The following DDHD1 variants were observed in gnomAD, a reference collection of about 807,000 sequenced individuals.
The protein encoded by DDHD1 is DDHD domain containing 1.
A neutral mutation model predicts 96.4 loss-of-function variants in DDHD1; 49 were observed. The observed-to-expected ratio is 0.51, with a 90% CI of 0.40 to 0.64. The LOEUF is 0.64. DDHD1 is among the 30% of genes least tolerant of loss of function. The probability of loss-of-function intolerance (pLI) is 0.00; values close to 1 mark genes in which losing one functional copy is unlikely to be tolerated. For missense variants in DDHD1, 1,106 were observed against 1,161.2 expected (o/e 0.95, Z 0.69); for synonymous variants, 442 against 446.5 (o/e 0.99, Z 0.13).
At chr14:53,104,810 A>T (rs1174956811) in intron 1 of DDHD1, among the ~76,000 whole-genome samples, 2 of 152,138 alleles carry the variant, frequency 1.3e-5, no homozygotes, top group Non-Finnish European at 1.5e-5. Context: ...GTAAAAAGCA[A>T]AATGAAACAA....
At chr14:53,078,972 T>A (rs984239597) in intron 4 of DDHD1, among the ~76,000 whole-genome samples, 1 of 152,180 alleles carries the variant, frequency 6.6e-6, no homozygotes, top group Non-Finnish European at 1.5e-5. Flanking sequence ...TGATGTGTTT[T>A]TTTTTCCTTC....
At chr14:53,122,025 C>T (rs200567438) in intron 1 of DDHD1, among the ~76,000 whole-genome samples, 1 of 151,934 alleles carries the variant, frequency 6.6e-6, no homozygotes, top group East Asian at 1.9e-4. Flanking sequence ...TGGAGCTGAA[C>T]TCTGTAAATA....
At chr14:53,146,756 T>C (rs1035661481) in intron 1 of DDHD1, among the ~76,000 whole-genome samples, 19 of 152,286 alleles carry the variant, frequency 1.2e-4, no homozygotes, top group African/African-American at 4.6e-4. Context: ...ATTCAACACT[T>C]GTTATGGGTA....
At chr14:53,139,075 G>GA (rs768005875) in intron 1 of DDHD1, among the ~76,000 whole-genome samples, 173 of 58,738 alleles carry the variant, frequency 2.9e-3, no homozygotes, top group Non-Finnish European at 6.5e-3. Context: ...TAATAGGAGA[G>GA]AAAAAAAAAA....
rs1349000309 is a variant in DDHD1 at position 53,046,323 on chromosome 14, T to C, written c.*445A>G. On this transcript the variant is annotated 3_prime_UTR_variant, in exon 13 of 13. Coordinates refer to ENST00000673822, the MANE Select transcript of DDHD1 (RefSeq NM_001160148.2). ...TCTGTTATATTTTTTCAAAGGGATG[T>C]ACAAATGAAAGCCTTCATAGAAATC... 1 of 152,384 alleles carries C rather than the reference T, an allele frequency of 6.6e-6. No individual in the cohort carries two copies. The highest frequency in any genetic ancestry group is 1.5e-5 in the Non-Finnish European group (1 of 68,150). The allele number at this position is 152,384 out of a possible 1,614,324, so 9.4% of individuals were successfully genotyped here. A position where few individuals can be genotyped will look rare whatever the true frequency, so the allele number is the denominator to read the frequency against.
At chr14:53,072,164 T>C (rs1481548638) in intron 6 of DDHD1, among the ~76,000 whole-genome samples, 1 of 152,100 alleles carries the variant, frequency 6.6e-6, no homozygotes, top group African/African-American at 2.4e-5. Flanking sequence ...TCTTCTTGAA[T>C]AAAGCTTCAC....
intron 1 of DDHD1, among the ~76,000 whole-genome samples, chr14:53,149,558 G>T (rs1485375232): frequency 1.3e-5 from 2 of 152,224 alleles, no homozygotes; most frequent in African/African-American, 4.8e-5. Context: ...ATGAGATTTT[G>T]TGAGAAATGG....
chr14:53,147,877 C>G (rs1181965115), intron 1 of DDHD1, among the ~76,000 whole-genome samples: 1 of 152,124 alleles, frequency 6.6e-6, no homozygotes, highest in Non-Finnish European at 1.5e-5. Context: ...GCCTTCTACC[C>G]CCTGGGACTC....
intron 1 of DDHD1, among the ~76,000 whole-genome samples, chr14:53,130,308 A>G (rs1036518270): frequency 2.0e-5 from 3 of 152,106 alleles, no homozygotes; most frequent in Non-Finnish European, 4.4e-5. Context: ...CTTTTTCTCT[A>G]TCAGACCTTC....
chr14:53,121,935 A>AAAG (rs1555340237), intron 1 of DDHD1, among the ~76,000 whole-genome samples: 4,108 of 149,930 alleles, frequency 0.027, 183 homozygotes, highest in African/African-American at 0.094. Flanking sequence ...AAAAAAAAAA[A>AAAG]GGGCAAATGA....
At chr14:53,134,263 T>A (rs1890071087) in intron 1 of DDHD1, among the ~76,000 whole-genome samples, 1 of 152,064 alleles carries the variant, frequency 6.6e-6, no homozygotes, top group Admixed American at 6.6e-5. Flanking sequence ...CATTGCTGGT[T>A]TACACTTTTC....
rs1472850523 is a variant in DDHD1 at position 53,040,391 on chromosome 14, T to C, written c.*6377A>G. 1 of 152,192 alleles carries C rather than the reference T, an allele frequency of 6.6e-6. No homozygotes were observed. Among genetic ancestry groups the C allele is most frequent in the Non-Finnish European group, 1.5e-5 (1 of 68,032 alleles). The allele number at this position is 152,192 out of a possible 1,614,324, so 9.4% of individuals were successfully genotyped here. On this transcript the variant is annotated 3_prime_UTR_variant, in exon 13 of 13. Transcript: ENST00000673822. ...ATTTTCATAAACTTTTTGGAAGAGT[T>C]ACCACAAACTGTATGATGAGGATTA...
intron 4 of DDHD1, among the ~76,000 whole-genome samples, chr14:53,082,442 C>CTTTTT (rs35059788): frequency 8.2e-6 from 1 of 121,920 alleles, no homozygotes; most frequent in African/African-American, 3.2e-5. Context: ...TCCAAGATAC[C>CTTTTT]TTTTTTTTTT....
intron 5 of DDHD1, 114 bp downstream of exon 5, chr14:53,073,627 T>C: frequency 1.3e-6 from 1 of 755,546 alleles, no homozygotes. Flanking sequence ...TCAAGACAAT[T>C]AAATTGAAGA....
intron 4 of DDHD1, among the ~76,000 whole-genome samples, chr14:53,082,393 A>C (rs1240079945): frequency 6.6e-6 from 1 of 152,070 alleles, no homozygotes; most frequent in Non-Finnish European, 1.5e-5. Flanking sequence ...ATAGAAAAAA[A>C]TAGAAAAAGA....
intron 2 of DDHD1, among the ~76,000 whole-genome samples, chr14:53,096,568 T>C (rs1049799512): frequency 6.6e-6 from 1 of 152,078 alleles, no homozygotes; most frequent in African/African-American, 2.4e-5. Flanking sequence ...GGTTATTTAC[T>C]CTCACCAAAT....
rs189330293 is a variant in DDHD1, at chr14:53,076,573, C to T, written c.1290-2726G>A. ...TTGATAAGGCAGTGGCAGGGTTTGA[C>T]AGGATTGATTCAAATTTTCAAGTAA... is the stretch of plus-strand genomic sequence containing the variant. On this transcript the variant is annotated intron_variant, in intron 4 of 12. Transcript: ENST00000673822. Among the ~76,000 whole-genome samples the T allele has an allele frequency of 2.6e-5, 4 of 152,164 alleles. No homozygotes were observed. The East Asian group carries it at 7.7e-4, about 29-fold the overall frequency.
At position 53,045,665 on chromosome 14, in the gene DDHD1, CT is replaced by C. The variant is rs1337780016; in HGVS notation, c.*1102del. On this transcript the variant is annotated 3_prime_UTR_variant, in exon 13 of 13. Transcript: ENST00000673822. ...GCTAGTACATGGGTTATTGAATGCA[CT>C]CTTAAACTTTGAGCCCCTCAGATGA... is the stretch of plus-strand genomic sequence containing the variant. 6.6e-6 allele frequency: 1 copy of C among 152,156 alleles called. No homozygotes were observed. The highest frequency in any genetic ancestry group is 2.4e-5 in the African/African-American group (1 of 41,440). The allele number at this position is 152,156 out of a possible 1,614,324, so 9.4% of individuals were successfully genotyped here.
chr14:53,084,289 T>C (rs903320907), intron 4 of DDHD1, among the ~76,000 whole-genome samples: 1 of 152,200 alleles, frequency 6.6e-6, no homozygotes, highest in Non-Finnish European at 1.5e-5. Flanking sequence ...CTTGGCAATA[T>C]GACTCCTAGA....
Sources: gnomAD v4.1 joint callset for allele counts (sites outside exome capture counted in the v4.1 genomes callset) on GRCh38, gnomAD v4.1.1 for gene constraint, MANE v1.5 for transcripts, NCBI Gene and HGNC (gene_info 2026-07-23, HGNC 2026-07-21) for gene names.